BRWD3: variants seen among roughly 807,000 people sequenced by gnomAD.
BRWD3 encodes bromodomain and WD repeat domain containing 3, also known as bromodomain and WD repeat-containing protein 3.
A neutral mutation model predicts 149.7 loss-of-function variants in BRWD3; 10 were observed. That is an observed-to-expected ratio of 0.07 (90% confidence interval 0.04 to 0.11). The LOEUF (loss-of-function observed/expected upper bound fraction) is 0.11, where lower values mean the gene tolerates loss of function less well. BRWD3 is among the 10% of genes least tolerant of loss of function. The pLI is 1.00. For synonymous variants in BRWD3, 504 were observed against 456.7 expected, an observed-to-expected ratio of 1.10 and a Z score of -1.32; for missense variants, 940 against 1,373.2, an observed-to-expected ratio of 0.68 and a Z score of 4.99.
chrX:80,686,907 C>A lies in BRWD3; in HGVS notation c.3961G>T (p.Asp1321Tyr), dbSNP rs1322823001. The change falls in exon 35 of 41, where the codon GAC becomes TAC. Residue 1321 changes from aspartate (D) to tyrosine (Y), a missense_variant. Asp to Tyr is a radical substitution (Grantham distance 160, BLOSUM62 -3). Transcript: ENST00000373275. ...GCTGGCTGTCGAAATGGCTCCGAGT[C>A]TTCACGTTCATAAATGAGGCTCAAT... ...ELLSLIYERE[D>Y]SEPFRQPADL... 8.3e-7 allele frequency: 1 copy of A among 1,207,610 alleles called. No homozygotes were observed. Among genetic ancestry groups the A allele is most frequent in the Non-Finnish European group, 1.1e-6 (1 of 893,830 alleles).
chrX:80,726,076 TTGTCTG>T (rs2073231787), intron 14 of BRWD3, among the ~76,000 whole-genome samples: 1 of 107,678 alleles, frequency 9.3e-6, no homozygotes, highest in African/African-American at 3.3e-5. Context: ...TGTTTACATG[TTGTCTG>T]TATAACAACA....
chrX:80,712,900 C>G (rs1398797635), intron 20 of BRWD3, among the ~76,000 whole-genome samples: 1 of 93,111 alleles, frequency 1.1e-5, no homozygotes, highest in Admixed American at 1.1e-4. Flanking sequence ...AAGTGAGGAG[C>G]CCCTCCGCCC....
At chrX:80,680,421 A>ACC (rs1380695352) in intron 40 of BRWD3, among the ~76,000 whole-genome samples, 1 of 112,421 alleles carries the variant, frequency 8.9e-6, no homozygotes, top group African/African-American at 3.2e-5. Context: ...ATATGAAATA[A>ACC]CAAACAGAAC....
chrX:80,713,751 A>G (rs2073033041), intron 20 of BRWD3, among the ~76,000 whole-genome samples: 1 of 111,860 alleles, frequency 8.9e-6, no homozygotes, highest in Non-Finnish European at 1.9e-5. Context: ...ACAGAAGGGA[A>G]AGGACTCAAA....
chrX:80,713,998 A>T (rs1947787287), intron 20 of BRWD3, among the ~76,000 whole-genome samples: 1 of 111,411 alleles, frequency 9.0e-6, no homozygotes, highest in African/African-American at 3.3e-5. Flanking sequence ...AATATTTTAA[A>T]CCCAAATGTT....
At chrX:80,711,119 T>C (rs1269433798) in intron 20 of BRWD3, among the ~76,000 whole-genome samples, 1 of 112,174 alleles carries the variant, frequency 8.9e-6, no homozygotes, top group African/African-American at 3.2e-5. Context: ...TATGTGTATA[T>C]ATAATGTGTG....
chrX:80,724,000 G>C lies in BRWD3; in HGVS notation c.1522-124C>G, dbSNP rs1467190675. ...CAAACATTCCAAAGTACTCTCTCTG[G>C]CTTCTGCAGCCAGAACCCTACTGAT... On this transcript the variant is annotated intron_variant, in intron 15 of 40. Coordinates refer to ENST00000373275, the MANE Select transcript of BRWD3 (RefSeq NM_153252.5). 7.4e-6 allele frequency: 6 copies of C among 806,311 alleles called. No homozygotes were observed. In the Admixed American group the frequency reaches 1.6e-4, roughly 21 times the overall value. 66.4% of individuals were successfully genotyped at this position (806,311 alleles called of 1,213,427 possible).
At chrX:80,756,741 G>T (rs1392757049) in intron 6 of BRWD3, among the ~76,000 whole-genome samples, 1 of 110,980 alleles carries the variant, frequency 9.0e-6, no homozygotes, top group Non-Finnish European at 1.9e-5. Context: ...CATTCTTCTA[G>T]CATGAATATC....
rs761941078 is a variant in BRWD3, at chrX:80,717,621, G to A, written c.2183C>T (p.Ala728Val). Residue 728 changes from alanine (A) to valine (V), a missense_variant, in exon 19 of 41, where the codon GCG becomes GTG. Physicochemically the swap from Ala to Val is moderately conservative, Grantham distance 64 (BLOSUM62 0). Coordinates refer to ENST00000373275, the MANE Select transcript of BRWD3 (RefSeq NM_153252.5). ...SQMATERDLM[A>V]WSRRVVVNEL... ...ATTGACCACCACTCTTCTGCTCCAC[G>A]CCATGAGATCTCTTTCAGTGGCCAT... 12 of 1,210,973 alleles carry A rather than the reference G, an allele frequency of 9.9e-6. No homozygotes were observed. Among genetic ancestry groups the A allele is most frequent in the Admixed American group, 4.4e-5 (2 of 45,977 alleles).
At chrX:80,731,699 C>G (rs2073332705) in intron 12 of BRWD3, among the ~76,000 whole-genome samples, 1 of 109,637 alleles carries the variant, frequency 9.1e-6, no homozygotes, top group Non-Finnish European at 1.9e-5. Context: ...TTGAGACCAT[C>G]CTGGCTAACA....
intron 6 of BRWD3, among the ~76,000 whole-genome samples, chrX:80,787,796 A>T (rs1003653565): frequency 9.0e-6 from 1 of 111,599 alleles, no homozygotes; most frequent in Non-Finnish European, 1.9e-5. Flanking sequence ...TTTGAAAGAC[A>T]CTGGTAGGCC....
intron 4 of BRWD3, among the ~76,000 whole-genome samples, chrX:80,802,518 T>C (rs1342277369): frequency 2.0e-5 from 2 of 101,834 alleles, no homozygotes; most frequent in African/African-American, 7.2e-5. Flanking sequence ...TAAGAAAATA[T>C]AACATCTGGG....
intron 27 of BRWD3, among the ~76,000 whole-genome samples, chrX:80,694,155 C>T (rs2072648524): frequency 8.9e-6 from 1 of 111,950 alleles, no homozygotes; most frequent in African/African-American, 3.2e-5. Context: ...CAAGGTACTG[C>T]TCAGGCTGTT....
intron 14 of BRWD3, among the ~76,000 whole-genome samples, chrX:80,726,289 T>C (rs1376219227): frequency 9.4e-6 from 1 of 105,900 alleles, no homozygotes; most frequent in Non-Finnish European, 2.0e-5. Context: ...CTGTATAACA[T>C]ATAACACGTT....
At position 80,809,284 on chromosome X, in the gene BRWD3, T is replaced by C; in HGVS notation, c.52A>G (p.Arg18Gly). ...TTGCAGGGTCCAGACTGCAAGAACC[T>C]AGCGATCAGGTAATACAGCTCTGGG... Reference protein sequence around the residue: ...IEAELYYLIARFLQSGPCNKS... With the variant: ...IEAELYYLIAGFLQSGPCNKS... The change falls in exon 2 of 41, where the codon AGG becomes GGG. Residue 18 changes from arginine to glycine, a missense_variant. By Grantham distance (125) the Arg-to-Gly change is moderately radical (BLOSUM62 -2). Transcript: ENST00000373275. 8.4e-7 allele frequency: 1 copy of C among 1,197,335 alleles called. No individual in the cohort carries two copies. Among genetic ancestry groups the C allele is most frequent in the Non-Finnish European group, 1.1e-6 (1 of 887,149 alleles).
chrX:80,707,086 T>C (rs1044888541), intron 22 of BRWD3, among the ~76,000 whole-genome samples: 2 of 112,545 alleles, frequency 1.8e-5, no homozygotes, highest in Non-Finnish European at 1.9e-5. Context: ...ATGATGTCAC[T>C]AGGTGACAGG....
chrX:80,752,953 C>T (rs1182516363), intron 6 of BRWD3, among the ~76,000 whole-genome samples: 1 of 112,183 alleles, frequency 8.9e-6, no homozygotes, highest in African/African-American at 3.2e-5. Context: ...GCGTGAACCA[C>T]CACGCCTGGC....
Position 80,809,454 on chromosome X carries a change from G to T in BRWD3, c.18C>A (p.Thr6=). ...ACAGCTACCCACCGGCTTCGATCTG[G>T]GTAGGTGCTGCCGCCATCCTTTTCC... is the stretch of plus-strand genomic sequence containing the variant. MAAAP[T]QIEAELYYLI... is the part of the protein sequence containing the mutation. Residue 6 remains threonine, a synonymous_variant, in exon 1 of 41, where the codon ACC becomes ACA. Transcript: ENST00000373275. 8.5e-7 allele frequency: 1 copy of T among 1,171,334 alleles called. No homozygotes were observed. Among genetic ancestry groups the T allele is most frequent in the Non-Finnish European group, 1.1e-6 (1 of 873,802 alleles).
intron 11 of BRWD3, 116 bp from the exon 12 acceptor site, chrX:80,733,612 T>A: frequency 1.8e-6 from 1 of 545,628 alleles, no homozygotes; most frequent in Non-Finnish European, 3.0e-6. Context: ...TTTTTTTTAA[T>A]TTCAATGAAG....
Sources: gnomAD v4.1 joint callset for allele counts (sites outside exome capture counted in the v4.1 genomes callset) on GRCh38, gnomAD v4.1.1 for gene constraint, MANE v1.5 for transcripts, NCBI Gene and HGNC (gene_info 2026-07-23, HGNC 2026-07-21) for gene names.